Variants in SENP7 observed in about 807,000 individuals in gnomAD.
SENP7 encodes the protein sentrin-specific protease 7.
Under a neutral mutation model 141.2 loss-of-function variants are expected in SENP7, and 64 were observed. That is an observed-to-expected ratio of 0.45 (90% CI 0.37 to 0.56). The LOEUF is 0.56. SENP7 is among the 20% of genes least tolerant of loss of function. The pLI is 0.00. For synonymous variants in SENP7, 382 were observed against 426.4 expected, an observed-to-expected ratio of 0.90 and a Z score of 1.28; for missense variants, 1,025 against 1,212.2, an observed-to-expected ratio of 0.85 and a Z score of 2.29.
At chr3:101,353,015 T>C (rs2059651245) in intron 11 of SENP7, among the ~76,000 whole-genome samples, 6 of 151,956 alleles carry the variant, frequency 3.9e-5, no homozygotes, top group Admixed American at 3.9e-4. Context: ...TAAACTTAGG[T>C]AACTTATTGA....
At chr3:101,460,938 A>G (rs1019212206) in intron 3 of SENP7, among the ~76,000 whole-genome samples, 1 of 152,104 alleles carries the variant, frequency 6.6e-6, no homozygotes, top group Non-Finnish European at 1.5e-5. Flanking sequence ...CTCTTAAAAG[A>G]AAAAAAGGTA....
At chr3:101,466,770 G>A (rs983075297) in intron 3 of SENP7, among the ~76,000 whole-genome samples, 8 of 152,140 alleles carry the variant, frequency 5.3e-5, no homozygotes, top group Non-Finnish European at 8.8e-5. Context: ...CATGATTGAC[G>A]CAGAAGATGG....
At chr3:101,488,610 G>A (rs903548009) in intron 3 of SENP7, among the ~76,000 whole-genome samples, 2 of 152,212 alleles carry the variant, frequency 1.3e-5, no homozygotes, top group Admixed American at 1.3e-4. Flanking sequence ...GGGAGGCCGA[G>A]GCAGCTGGAT....
chr3:101,339,580 T>A (rs1440918545), intron 16 of SENP7, among the ~76,000 whole-genome samples: 1 of 152,006 alleles, frequency 6.6e-6, no homozygotes, highest in Non-Finnish European at 1.5e-5. Flanking sequence ...TAGCCGGGCG[T>A]GGTGGCGGGC....
chr3:101,436,686 T>A (rs1170905723), intron 4 of SENP7, among the ~76,000 whole-genome samples: 3 of 151,868 alleles, frequency 2.0e-5, no homozygotes, highest in Non-Finnish European at 4.4e-5. Flanking sequence ...GTGTTCAACA[T>A]CATTGATCAT....
rs1010901321 is a variant in SENP7, at chr3:101,398,876, C to A, written c.662G>T (p.Cys221Phe). The A allele has an allele frequency of 5.6e-6, 9 of 1,594,602 alleles. No individual in the cohort carries two copies. Among genetic ancestry groups the A allele is most frequent in the Non-Finnish European group, 7.7e-6 (9 of 1,170,322 alleles). Reference protein sequence around the residue: ...SYQNLNPHKSCYLSERGSQRS... With the variant: ...SYQNLNPHKSFYLSERGSQRS... ...CTAAACATACCTTTCAGATAAATAA[C>A]AGCTCTTGTGAGGGTTTAGATTTTG... is the stretch of plus-strand genomic sequence containing the variant. The change falls in exon 6 of 24, where the codon TGT becomes TTT. Residue 221 changes from cysteine (C) to phenylalanine (F), a missense_variant. Physicochemically the swap from Cys to Phe is radical, Grantham distance 205. Around this residue, in one of 4 missense-constraint regions of SENP7, gnomAD observed 496 missense variants for 503.5 expected, o/e 0.99. Transcript: ENST00000394095.
chr3:101,418,528 T>C (rs1411931506), intron 4 of SENP7, among the ~76,000 whole-genome samples: 1 of 152,210 alleles, frequency 6.6e-6, no homozygotes, highest in East Asian at 1.9e-4. Context: ...AAGTGAGGAA[T>C]GGCTGAAAGT....
At chr3:101,344,845 A>G (rs1454931272) in intron 13 of SENP7, among the ~76,000 whole-genome samples, 1 of 152,230 alleles carries the variant, frequency 6.6e-6, no homozygotes, top group East Asian at 1.9e-4. Flanking sequence ...CAAGAAACTC[A>G]TAAGAAAGGT....
intron 3 of SENP7, among the ~76,000 whole-genome samples, chr3:101,461,207 T>G (rs1009129663): frequency 2.0e-5 from 3 of 151,928 alleles, no homozygotes; most frequent in Non-Finnish European, 4.4e-5. Flanking sequence ...GAAAGATAAC[T>G]CCACGGTCAT....
rs538476633 is a variant in SENP7, at chr3:101,433,421, T to G, written c.285-15631A>C. Among the ~76,000 whole-genome samples the G allele has an allele frequency of 1.3e-4, 20 of 151,260 alleles. No individual in the cohort carries two copies. In the South Asian group the frequency reaches 4.0e-3, roughly 30 times the overall value. On this transcript the variant is annotated intron_variant, in intron 4 of 23. Transcript: ENST00000394095. ...AAAATGGCAGGAAATAAGTTCTTACTTATCAATAATAACATTGAATATAAA... is the reference window on the plus strand; with the variant it reads ...AAAATGGCAGGAAATAAGTTCTTACGTATCAATAATAACATTGAATATAAA...
At chr3:101,511,590 T>A (rs2065860229) in intron 1 of SENP7, among the ~76,000 whole-genome samples, 1 of 152,194 alleles carries the variant, frequency 6.6e-6, no homozygotes, top group African/African-American at 2.4e-5. Flanking sequence ...ATATATATCA[T>A]TTATACATGT....
At chr3:101,458,721 C>T in intron 4 of SENP7, 1 of 351,802 alleles carries the variant, frequency 2.8e-6, no homozygotes, top group Non-Finnish European at 5.2e-6. Flanking sequence ...CTATGTATAA[C>T]TCTTGCATTA....
intron 4 of SENP7, among the ~76,000 whole-genome samples, chr3:101,445,316 CTG>C (rs2062846534): frequency 6.6e-6 from 1 of 152,062 alleles, no homozygotes; most frequent in African/African-American, 2.4e-5. Context: ...TTGACTGATG[CTG>C]TGAAAAATGC....
chr3:101,424,833 G>T (rs2061905434), intron 4 of SENP7, among the ~76,000 whole-genome samples: 2 of 152,210 alleles, frequency 1.3e-5, no homozygotes, highest in Non-Finnish European at 2.9e-5. Context: ...GCGTGATACA[G>T]TTTGGCTGTG....
At chr3:101,486,719 C>A (rs1234849634) in intron 3 of SENP7, among the ~76,000 whole-genome samples, 2 of 152,112 alleles carry the variant, frequency 1.3e-5, no homozygotes, top group African/African-American at 2.4e-5. Context: ...AAACAAAAAA[C>A]CCAAGTACAC....
chr3:101,428,666 T>C (rs576313817), intron 4 of SENP7, among the ~76,000 whole-genome samples: 1 of 152,290 alleles, frequency 6.6e-6, no homozygotes, highest in East Asian at 1.9e-4. Context: ...ACTCAGCTGA[T>C]AGTTTCTTTT....
rs368176860 is a variant in SENP7 at position 101,449,787 on chromosome 3, G to A, written c.284+9168C>T. On this transcript the variant is annotated intron_variant, in intron 4 of 23. Coordinates refer to ENST00000394095, the MANE Select transcript of SENP7 (RefSeq NM_020654.5). ...AACATGCCAAATTATAAAGACCATC[G>A]AGGCTAGGAAGAAACTGCAACTAAT... Among the ~76,000 whole-genome samples, 12 of 152,250 alleles carry A rather than the reference G, an allele frequency of 7.9e-5. No individual in the cohort carries two copies. In the East Asian group the frequency reaches 9.6e-4, roughly 12 times the overall value.
At position 101,423,981 on chromosome 3, in the gene SENP7, G is replaced by A. The variant is rs138696105; in HGVS notation, c.285-6191C>T. 3.3e-5 allele frequency among the ~76,000 whole-genome samples: 5 copies of A among 152,284 alleles called. No homozygotes were observed. The East Asian group carries it at 9.7e-4, about 29-fold the overall frequency. ...AAGGTTTGGTGCGGGAGAGTCTGCA[G>A]CAGAGCATGGCCAGTGAGGGCCATC... On this transcript the variant is annotated intron_variant, in intron 4 of 23. Coordinates refer to ENST00000394095, the MANE Select transcript of SENP7 (RefSeq NM_020654.5).
intron 6 of SENP7, among the ~76,000 whole-genome samples, chr3:101,392,911 G>A (rs2107550645): frequency 6.6e-6 from 1 of 152,264 alleles, no homozygotes; most frequent in Admixed American, 6.5e-5. Context: ...TTGAAGTCAG[G>A]AGTTCAAGGG....
Sources: gnomAD v4.1 joint callset for allele counts (sites outside exome capture counted in the v4.1 genomes callset) on GRCh38, gnomAD v4.1.1 for gene constraint, gnomAD v4.1.1 regional missense constraint, MANE v1.5 for transcripts, NCBI Gene and HGNC (gene_info 2026-07-23, HGNC 2026-07-21) for gene names.